SNW1: variants seen among roughly 807,000 people sequenced by gnomAD.
SNW1 encodes the protein SNW domain-containing protein 1.
A neutral mutation model predicts 75.6 loss-of-function variants in SNW1; 9 were observed. The observed-to-expected ratio is 0.12, with a 90% CI of 0.07 to 0.21. SNW1 has a LOEUF of 0.21. SNW1 is among the 10% of genes least tolerant of loss of function. The probability of loss-of-function intolerance (pLI) is 1.00; values close to 1 mark genes in which losing one functional copy is unlikely to be tolerated. For missense variants in SNW1, 409 were observed against 670.9 expected (o/e 0.61, Z 4.31); for synonymous variants, 200 against 219.1 (o/e 0.91, Z 0.77).
intron 5 of SNW1, 68 bp downstream of exon 5, chr14:77,738,710 G>T: frequency 8.7e-7 from 1 of 1,149,852 alleles, no homozygotes; most frequent in Non-Finnish European, 1.3e-6. Context: ...GTTAGTGAAA[G>T]AATACCATGA....
At chr14:77,754,898 TTA>T (rs2080832545) in intron 2 of SNW1, 67 bp downstream of exon 2, 1 of 1,338,580 alleles carries the variant, frequency 7.5e-7, no homozygotes, top group Non-Finnish European at 1.0e-6. Flanking sequence ...ACATTTAAAT[TTA>T]TGTTATAGTG....
At chr14:77,735,762 A>T (rs1409295850) in intron 7 of SNW1, among the ~76,000 whole-genome samples, 175 bp downstream of exon 7, 1 of 152,232 alleles carries the variant, frequency 6.6e-6, no homozygotes, top group African/African-American at 2.4e-5. Flanking sequence ...AACAAAACTT[A>T]CAGCTAACAT....
chr14:77,728,479 A>T (rs1175723156), intron 10 of SNW1, among the ~76,000 whole-genome samples: 9 of 152,158 alleles, frequency 5.9e-5, no homozygotes, highest in Non-Finnish European at 1.0e-4. Flanking sequence ...ATAATAATAA[A>T]AAAGTCAGAA....
intron 8 of SNW1, among the ~76,000 whole-genome samples, chr14:77,734,291 CTTT>C (rs2080652270): frequency 6.6e-6 from 1 of 152,164 alleles, no homozygotes; most frequent in Non-Finnish European, 1.5e-5. Context: ...TTACTCTGTT[CTTT>C]TGTCATATAA....
chr14:77,737,045 G>A lies in SNW1; in HGVS notation c.564C>T (p.Phe188=). 6.2e-7 allele frequency: 1 copy of A among 1,613,764 alleles called. No individual in the cohort carries two copies. The highest frequency in any genetic ancestry group is 8.5e-7 in the Non-Finnish European group (1 of 1,179,780). The part of the protein sequence containing the change: ...RYTPSQQGVA[F]NSGAKQRVIR... ...TAACCCTCTGTTTAGCTCCAGAGTT[G>A]AATGCCACTCCTTGCTGAGATGGTG... Residue 188 remains phenylalanine, a synonymous_variant, in exon 6 of 14, where the codon TTC becomes TTT. Transcript: ENST00000261531.
chr14:77,750,223 A>G (rs2080796683), intron 3 of SNW1, among the ~76,000 whole-genome samples: 1 of 152,162 alleles, frequency 6.6e-6, no homozygotes, highest in Non-Finnish European at 1.5e-5. Context: ...AAAAAATAAA[A>G]TAAAAAAAGA....
Position 77,717,638 on chromosome 14 carries a change from C to A in SNW1, c.*450G>T. On this transcript the variant is annotated 3_prime_UTR_variant, in exon 14 of 14. Transcript: ENST00000261531. ...TTTTATTTGAAACAAATAGTTGCAC[C>A]AAGCAAGAGGTTACTTTGCCCACTC... 1 of 1,412,648 alleles carries A rather than the reference C, an allele frequency of 7.1e-7. No homozygotes were observed. The highest frequency in any genetic ancestry group is 9.9e-7 in the Non-Finnish European group (1 of 1,009,820). 87.5% of individuals were successfully genotyped at this position (1,412,648 alleles called of 1,614,324 possible).
At position 77,751,378 on chromosome 14, in the gene SNW1, C is replaced by T. The variant is rs1179203800; in HGVS notation, c.271G>A (p.Asp91Asn). ...KMSNALAIQV[D>N]SEGKIKYDAI... ...TCATATTTAATTTTTCCTTCAGAAT[C>T]CACCTGAATGGCCAGCGCATTCGAC... The change falls in exon 3 of 14, where the codon GAT (aspartate) becomes AAT (asparagine). Residue 91 changes from aspartate (D) to asparagine (N), a missense_variant. Physicochemically the swap from Asp to Asn is conservative, Grantham distance 23. This residue lies in a region of SNW1 where 60 missense variants were observed against 62.6 expected (regional missense o/e 0.96). Coordinates refer to ENST00000261531, the MANE Select transcript of SNW1 (RefSeq NM_012245.3). The T allele has an allele frequency of 6.2e-7, 1 of 1,613,850 alleles. No individual in the cohort carries two copies.
At chr14:77,727,025 C>T (rs1045832276) in intron 10 of SNW1, among the ~76,000 whole-genome samples, 1 of 151,812 alleles carries the variant, frequency 6.6e-6, no homozygotes, top group African/African-American at 2.4e-5. Context: ...TAGGATCATA[C>T]TGTCTCTGAC....
intron 3 of SNW1, among the ~76,000 whole-genome samples, chr14:77,742,749 A>T (rs1258237198): frequency 6.6e-6 from 1 of 151,638 alleles, no homozygotes. Flanking sequence ...TTTCTTTAAG[A>T]GATAGGGTTT....
Position 77,720,541 on chromosome 14 carries a change from G to A in SNW1, c.1248+170C>T, listed in dbSNP as rs768495774. 4.0e-6 allele frequency: 3 copies of A among 754,686 alleles called. No homozygotes were observed. The Admixed American group carries it at 5.4e-5, about 14-fold the overall frequency. 46.7% of individuals were successfully genotyped at this position (754,686 alleles called of 1,614,324 possible). ...TGTCTCAAATCTCAGCCCACTATAA[G>A]AAGTTAAAATCAGAACTGTTTCATC... is the stretch of plus-strand genomic sequence containing the variant. On this transcript the variant is annotated intron_variant, in intron 12 of 13. Transcript: ENST00000261531.
intron 12 of SNW1, among the ~76,000 whole-genome samples, 183 bp from the exon 13 acceptor site, chr14:77,718,713 CTT>C (rs372285276): frequency 1.0e-4 from 14 of 138,342 alleles, no homozygotes; most frequent in South Asian, 2.3e-4. Context: ...ACTTTGGATT[CTT>C]TTTTTTTTTT....
intron 1 of SNW1, among the ~76,000 whole-genome samples, chr14:77,758,785 CACA>C (rs949689054): frequency 2.6e-5 from 4 of 152,224 alleles, no homozygotes; most frequent in African/African-American, 9.6e-5. Flanking sequence ...ATCAACAACA[CACA>C]ACACTTCTGA....
At chr14:77,737,986 C>T (rs568156873) in intron 5 of SNW1, among the ~76,000 whole-genome samples, 23 of 61,592 alleles carry the variant, frequency 3.7e-4, no homozygotes, top group African/African-American at 1.7e-3. Flanking sequence ...AGTGAGACTC[C>T]ATCTCAAAAA....
chr14:77,736,316 G>C (rs537844447), intron 6 of SNW1, among the ~76,000 whole-genome samples: 2 of 152,292 alleles, frequency 1.3e-5, no homozygotes, highest in South Asian at 4.1e-4. Context: ...GGGAGGCCAA[G>C]GTGGGCAGAT....
At chr14:77,737,477 A>G (rs1445699949) in intron 5 of SNW1, among the ~76,000 whole-genome samples, 1 of 152,184 alleles carries the variant, frequency 6.6e-6, no homozygotes, top group Admixed American at 6.5e-5. Flanking sequence ...TAAAACAGAG[A>G]AAAGAATAAT....
chr14:77,724,750 C>T (rs1028912260), intron 10 of SNW1, among the ~76,000 whole-genome samples: 1 of 152,292 alleles, frequency 6.6e-6, no homozygotes, highest in Non-Finnish European at 1.5e-5. Context: ...ATCCATTCAC[C>T]CACTGGACAC....
intron 10 of SNW1, among the ~76,000 whole-genome samples, chr14:77,726,256 C>T (rs1411316307): frequency 1.3e-5 from 2 of 152,094 alleles, no homozygotes; most frequent in African/African-American, 4.8e-5. Context: ...ATAATTTTTC[C>T]AATTCATGAG....
chr14:77,734,865 TAC>T, intron 8 of SNW1, 80 bp downstream of exon 8: 1 of 907,650 alleles, frequency 1.1e-6, no homozygotes, highest in Non-Finnish European at 1.7e-6. Context: ...TTGTTTCAAC[TAC>T]AGTTATGCAG....
Sources: gnomAD v4.1 joint callset for allele counts (sites outside exome capture counted in the v4.1 genomes callset) on GRCh38, gnomAD v4.1.1 for gene constraint, gnomAD v4.1.1 regional missense constraint, MANE v1.5 for transcripts, NCBI Gene and HGNC (gene_info 2026-07-23, HGNC 2026-07-21) for gene names.